The following PTPRD variants were observed in gnomAD, a reference collection of about 807,000 sequenced individuals.
PTPRD encodes the protein protein tyrosine phosphatase receptor type D.
In PTPRD, 34 loss-of-function variants were observed where a neutral mutation model predicts 214.5. The observed-to-expected ratio is 0.16, with a 90% CI of 0.12 to 0.21. PTPRD has a LOEUF of 0.21. Among genes scored for constraint, PTPRD ranks in the 10% least tolerant of loss-of-function variants. The pLI is 1.00. For synonymous variants in PTPRD, 1,128 were observed against 845.7 expected, an observed-to-expected ratio of 1.33 and a Z score of -5.79; for missense variants, 2,545 against 2,398.7, an observed-to-expected ratio of 1.06 and a Z score of -1.27.
At chr9:10,539,220 T>G (rs2135186004) in intron 2 of PTPRD, among the ~76,000 whole-genome samples, 1 of 152,346 alleles carries the variant, frequency 6.6e-6, no homozygotes, top group South Asian at 2.1e-4. Context: ...AGTCTCGCTC[T>G]GTTGCCCAGG....
At chr9:9,814,127 G>T (rs187018794) in intron 5 of PTPRD, among the ~76,000 whole-genome samples, 4 of 152,140 alleles carry the variant, frequency 2.6e-5, no homozygotes, top group Admixed American at 2.6e-4. Flanking sequence ...AAGAATTTAG[G>T]TGTAGAAGAC....
intron 12 of PTPRD, among the ~76,000 whole-genome samples, chr9:8,723,544 G>A (rs2098524759): frequency 6.6e-6 from 1 of 152,078 alleles, no homozygotes; most frequent in Admixed American, 6.5e-5. Flanking sequence ...CTGGCTTATT[G>A]GAGGCACACT....
At chr9:8,535,283 C>A (rs890598148) in intron 14 of PTPRD, among the ~76,000 whole-genome samples, 2 of 151,800 alleles carry the variant, frequency 1.3e-5, no homozygotes, top group African/African-American at 2.4e-5. Context: ...CAATAAACTG[C>A]AAATGAGAAA....
chr9:9,433,754 C>A (rs923404311), intron 8 of PTPRD, among the ~76,000 whole-genome samples: 1 of 152,110 alleles, frequency 6.6e-6, no homozygotes, highest in South Asian at 2.1e-4. Flanking sequence ...GAATAGCATG[C>A]CACTTTAATT....
chr9:10,538,743 A>C (rs755433196), intron 2 of PTPRD, among the ~76,000 whole-genome samples: 1 of 152,168 alleles, frequency 6.6e-6, no homozygotes, highest in Non-Finnish European at 1.5e-5. Context: ...AGGACTTGAG[A>C]CATTATCTTA....
chr9:8,321,487 G>GTGTGTGTA (rs1168847469), intron 44 of PTPRD, among the ~76,000 whole-genome samples: 4 of 44,540 alleles, frequency 9.0e-5, no homozygotes, highest in Non-Finnish European at 1.2e-4. Flanking sequence ...GTGTGTGTGT[G>GTGTGTGTA]TATATATATA....
intron 12 of PTPRD, among the ~76,000 whole-genome samples, chr9:8,693,767 GC>G (rs1231997940): frequency 2.0e-5 from 3 of 152,182 alleles, no homozygotes; most frequent in Admixed American, 1.3e-4. Flanking sequence ...CATAGTAAAA[GC>G]AAAGCAAAGC....
intron 9 of PTPRD, among the ~76,000 whole-genome samples, chr9:9,394,855 C>A (rs767368867): frequency 6.6e-6 from 1 of 152,026 alleles, no homozygotes; most frequent in Non-Finnish European, 1.5e-5. Context: ...CAGATCCCTG[C>A]CCACTCTACT....
At chr9:10,244,029 G>A (rs1225833535) in intron 3 of PTPRD, among the ~76,000 whole-genome samples, 1 of 99,954 alleles carries the variant, frequency 1.0e-5, no homozygotes, top group East Asian at 4.3e-4. Flanking sequence ...GGTTTGGGAG[G>A]ATTAAATGTA....
chr9:9,924,875 T>C (rs1239161587), intron 5 of PTPRD, among the ~76,000 whole-genome samples: 4 of 152,156 alleles, frequency 2.6e-5, no homozygotes, highest in East Asian at 1.9e-4. Context: ...AGAATATGTT[T>C]GAATGAAGCA....
At chr9:9,615,789 TATA>T (rs1418150792) in intron 7 of PTPRD, among the ~76,000 whole-genome samples, 1 of 152,154 alleles carries the variant, frequency 6.6e-6, no homozygotes, top group Non-Finnish European at 1.5e-5. Context: ...AAGTGAGTAT[TATA>T]ATCCACATTT....
At chr9:8,354,997 G>GTGA (rs2076605824) in intron 39 of PTPRD, among the ~76,000 whole-genome samples, 1 of 152,146 alleles carries the variant, frequency 6.6e-6, no homozygotes, top group Non-Finnish European at 1.5e-5. Flanking sequence ...TGTGAACCTG[G>GTGA]TGATATAGTT....
chr9:9,346,326 A>C (rs1382766650), intron 9 of PTPRD, among the ~76,000 whole-genome samples: 4 of 152,190 alleles, frequency 2.6e-5, no homozygotes, highest in Admixed American at 6.6e-5. Context: ...GTCAATATTC[A>C]TGTGACTCAC....
At chr9:8,527,970 T>C (rs2074651775) in intron 15 of PTPRD, among the ~76,000 whole-genome samples, 1 of 152,126 alleles carries the variant, frequency 6.6e-6, no homozygotes. Context: ...TCCCCTCCTT[T>C]TACTGGTATT....
intron 11 of PTPRD, among the ~76,000 whole-genome samples, chr9:8,749,911 G>A (rs2093344729): frequency 6.6e-6 from 1 of 151,984 alleles, no homozygotes; most frequent in Non-Finnish European, 1.5e-5. Flanking sequence ...AGACCAGCCT[G>A]GCCAACATGG....
intron 37 of PTPRD, among the ~76,000 whole-genome samples, chr9:8,379,941 G>A (rs2135150585): frequency 6.6e-6 from 1 of 152,182 alleles, no homozygotes; most frequent in South Asian, 2.1e-4. Context: ...TGTGAAATGG[G>A]AACAGTGTCT....
chr9:9,358,804 G>A (rs12000523), intron 9 of PTPRD, among the ~76,000 whole-genome samples: 8 of 151,210 alleles, frequency 5.3e-5, no homozygotes, highest in Non-Finnish European at 1.2e-4. Flanking sequence ...AATCATTAAC[G>A]TCATTAAGCT....
At position 8,557,455 on chromosome 9, in the gene PTPRD, T is replaced by TATATATATATATATATATATATATAC; in HGVS notation, c.353-28677_353-28676insGTATATATATATATATATATATATAT. ...AAATACATATATATATATATATATATATTTGGGCCGGGCGCGGTGGCTCAT... is the reference window on the plus strand; with the variant it reads ...AAATACATATATATATATATATATATATATATATATATATATATATATATACATTTGGGCCGGGCGCGGTGGCTCAT... On this transcript the variant is annotated intron_variant, in intron 14 of 45. Coordinates refer to ENST00000381196, the MANE Select transcript of PTPRD (RefSeq NM_002839.4). Among the ~76,000 whole-genome samples, 36 of 135,596 alleles carry TATATATATATATATATATATATATAC rather than the reference T, an allele frequency of 2.7e-4. 1 individual carries two copies. Among genetic ancestry groups the TATATATATATATATATATATATATAC allele is most frequent in the African/African-American group, 8.3e-4 (24 of 28,768 alleles). The allele number at this position is 135,596 out of a possible 152,430, so 89.0% of individuals were successfully genotyped here. A position where few individuals can be genotyped will look rare whatever the true frequency, so the allele number is the denominator to read the frequency against.
chr9:9,972,049 T>A (rs950502718), intron 4 of PTPRD, among the ~76,000 whole-genome samples: 1 of 152,194 alleles, frequency 6.6e-6, no homozygotes, highest in African/African-American at 2.4e-5. Context: ...TGAATTGCAC[T>A]TTTCCCAGTA....
Sources: gnomAD v4.1 joint callset for allele counts (sites outside exome capture counted in the v4.1 genomes callset) on GRCh38, gnomAD v4.1.1 for gene constraint, MANE v1.5 for transcripts, NCBI Gene and HGNC (gene_info 2026-07-23, HGNC 2026-07-21) for gene names.